The following ZNF440 variants were observed in gnomAD, a reference collection of about 807,000 sequenced individuals.
ZNF440 encodes the protein zinc finger protein 440.
In ZNF440, 47 loss-of-function variants were observed where a neutral mutation model predicts 49.7. The observed-to-expected ratio is 0.95, with a 90% CI of 0.75 to 1.21. The LOEUF is 1.21. Ranked by LOEUF, ZNF440 falls within the 50% of genes most tolerant of loss-of-function variation. The pLI is 0.00. For synonymous variants in ZNF440, 255 were observed against 237.7 expected (o/e 1.07, Z -0.67); for missense variants, 703 against 715.0 (o/e 0.98, Z 0.19).
rs2545809 is a variant in ZNF440, at chr19:11,834,074, T to A, written c.*1110T>A. The A allele has an allele frequency of 0.011, 3,120 of 283,858 alleles. 82 individuals are homozygous for A. Among genetic ancestry groups the A allele is most frequent in the East Asian group, 0.084 (1,216 of 14,498 alleles). 17.6% of individuals were successfully genotyped at this position (283,858 alleles called of 1,614,324 possible). A position where few individuals can be genotyped will look rare whatever the true frequency, so the allele number is the denominator to read the frequency against. On this transcript the variant is annotated 3_prime_UTR_variant, in exon 4 of 4. Coordinates refer to ENST00000304060, the MANE Select transcript of ZNF440 (RefSeq NM_152357.3). Reference sequence around the variant, plus strand: ...TGCCAGACATCTTTTTATTCGAAAATTTTACTTTTCATGCTTCTGTACTTA... The same window carrying A: ...TGCCAGACATCTTTTTATTCGAAAAATTTACTTTTCATGCTTCTGTACTTA...
chr19:11,830,401 C>A lies in ZNF440; in HGVS notation c.122C>A (p.Thr41Asn). ...EVMLETFRNLTSLGKRWKDQN... is the reference protein window; with the variant it reads ...EVMLETFRNLNSLGKRWKDQN... ...ATGCTGGAAACTTTCAGGAACCTGA[C>A]CTCTTTAGGTAAGGATGACAATATT... Residue 41 changes from threonine (T) to asparagine (N), a missense_variant, in exon 2 of 4, where the codon ACC (threonine) becomes AAC (asparagine). Thr to Asn is a moderately conservative substitution (Grantham distance 65). Coordinates refer to ENST00000304060, the MANE Select transcript of ZNF440 (RefSeq NM_152357.3). The A allele has an allele frequency of 6.2e-7, 1 of 1,614,104 alleles. No homozygotes were observed. Among genetic ancestry groups the A allele is most frequent in the Non-Finnish European group, 8.5e-7 (1 of 1,180,002 alleles).
chr19:11,822,655 C>T (rs1975813119), intron 1 of ZNF440, among the ~76,000 whole-genome samples: 1 of 152,084 alleles, frequency 6.6e-6, no homozygotes, highest in African/African-American at 2.4e-5. Context: ...CAAGATCAGC[C>T]TGACCAATAT....
In ZNF440 at chr19:11,832,326, CG is replaced by C; in HGVS notation, c.1151del (p.Arg384HisfsTer53). The C allele has an allele frequency of 6.2e-7, 1 of 1,614,056 alleles. No homozygotes were observed. The highest frequency in any genetic ancestry group is 1.3e-5 in the African/African-American group (1 of 74,976). On this transcript the variant is annotated frameshift_variant, in exon 4 of 4. Coordinates refer to ENST00000304060, the MANE Select transcript of ZNF440 (RefSeq NM_152357.3). LOFTEE classifies it high-confidence loss of function. ...AGCCTTCCCTCATTCCAGTTCCCTT[CG>C]ATATCATGAAAGGACTCACACTGGA... ...GKAFPHSSSL[R>X]YHERTHTGEK...
intron 1 of ZNF440, among the ~76,000 whole-genome samples, chr19:11,826,114 G>A (rs1386999680): frequency 6.6e-6 from 1 of 152,104 alleles, no homozygotes; most frequent in Non-Finnish European, 1.5e-5. Flanking sequence ...CGCGGCCAGG[G>A]CCACTCATTT....
chr19:11,814,425 C>T lies in ZNF440; in HGVS notation c.-23C>T. On this transcript the variant is annotated 5_prime_UTR_variant, in exon 1 of 4. Coordinates refer to ENST00000304060, the MANE Select transcript of ZNF440 (RefSeq NM_152357.3). Reference sequence around the variant, plus strand: ...GTCGCGGGAGCCACGCAGAGGACGCCGGAACACCCTGGAAGCCGAGAAATG... The same window carrying T: ...GTCGCGGGAGCCACGCAGAGGACGCTGGAACACCCTGGAAGCCGAGAAATG... 1 of 1,560,228 alleles carries T rather than the reference C, an allele frequency of 6.4e-7. No homozygotes were observed. The highest frequency in any genetic ancestry group is 8.7e-7 in the Non-Finnish European group (1 of 1,154,654).
chr19:11,819,374 T>G (rs1356596336), intron 1 of ZNF440, among the ~76,000 whole-genome samples: 1 of 150,072 alleles, frequency 6.7e-6, no homozygotes. Context: ...ATTAAATTTT[T>G]TAATTACTTG....
At position 11,832,522 on chromosome 19, in the gene ZNF440, T is replaced by A; in HGVS notation, c.1346T>A (p.Ile449Lys). The A allele has an allele frequency of 6.2e-7, 1 of 1,612,764 alleles. No homozygotes were observed. Among genetic ancestry groups the A allele is most frequent in the Non-Finnish European group, 8.5e-7 (1 of 1,179,774 alleles). ...LQSHERTQTH[I>K]RIHSGERRYK... ...AGTCATGAAAGGACACAAACACACA[T>A]AAGAATACACTCTGGAGAAAGACGT... Residue 449 changes from isoleucine to lysine, a missense_variant, in exon 4 of 4, where the codon ATA (isoleucine) becomes AAA (lysine). Ile to Lys is a moderately radical substitution (Grantham distance 102). Transcript: ENST00000304060.
At chr19:11,827,309 C>T (rs1349471669) in intron 1 of ZNF440, among the ~76,000 whole-genome samples, 2 of 151,884 alleles carry the variant, frequency 1.3e-5, no homozygotes, top group East Asian at 1.9e-4. Flanking sequence ...GTGATCCACC[C>T]GTCTCTGCCT....
intron 1 of ZNF440, chr19:11,817,394 G>C (rs1199896991): frequency 1.3e-5 from 2 of 152,232 alleles, no homozygotes; most frequent in African/African-American, 2.4e-5. Flanking sequence ...TCAGGAGTTT[G>C]AGACCAGCCT....
chr19:11,814,476 G>T, intron 1 of ZNF440, 26 bp downstream of exon 1: 1 of 1,515,140 alleles, frequency 6.6e-7, no homozygotes. Flanking sequence ...CTGGCGTCCG[G>T]GCGACTGGGA....
intron 1 of ZNF440, among the ~76,000 whole-genome samples, chr19:11,819,824 T>C (rs286253): frequency 0.39 from 59,366 of 152,112 alleles, 12,131 homozygotes; most frequent in African/African-American, 0.5. Context: ...AATTTTCAAG[T>C]GTTTTATTTA....
chr19:11,830,431 C>T (rs1262985964), intron 2 of ZNF440, 22 bp downstream of exon 2: 4 of 1,613,360 alleles, frequency 2.5e-6, no homozygotes, highest in African/African-American at 1.3e-5. Context: ...AATATTCCTT[C>T]CCTCAGTCCA....
chr19:11,824,567 A>G (rs1387658909), intron 1 of ZNF440, among the ~76,000 whole-genome samples: 1 of 152,132 alleles, frequency 6.6e-6, no homozygotes, highest in Non-Finnish European at 1.5e-5. Context: ...TATGAACCTT[A>G]TATGGAATGA....
At position 11,831,420 on chromosome 19, in the gene ZNF440, G is replaced by A. The variant is rs752206867; in HGVS notation, c.244G>A (p.Glu82Lys). Reference sequence around the variant, plus strand: ...AATTAAAGATGACAGTCATTGTGGAGAAACTTTTACCCCAGTTCCAGATGA... The same window carrying A: ...AATTAAAGATGACAGTCATTGTGGAAAAACTTTTACCCCAGTTCCAGATGA... Reference protein sequence around the residue: ...NEIKDDSHCGETFTPVPDDRL... With the variant: ...NEIKDDSHCGKTFTPVPDDRL... Residue 82 changes from glutamate to lysine, a missense_variant, in exon 4 of 4, where the codon GAA (glutamate) becomes AAA (lysine). By Grantham distance (56) the Glu-to-Lys change is moderately conservative (BLOSUM62 1). Coordinates refer to ENST00000304060, the MANE Select transcript of ZNF440 (RefSeq NM_152357.3). 2 of 1,612,518 alleles carry A rather than the reference G, an allele frequency of 1.2e-6. No homozygotes were observed. The highest frequency in any genetic ancestry group is 1.3e-5 in the African/African-American group (1 of 74,918).
chr19:11,834,139 T>A lies in ZNF440; in HGVS notation c.*1175T>A. The A allele has an allele frequency of 3.4e-6, 1 of 290,976 alleles. No homozygotes were observed. The highest frequency in any genetic ancestry group is 6.7e-6 in the Non-Finnish European group (1 of 149,930). The allele number at this position is 290,976 out of a possible 1,614,324, so 18.0% of individuals were successfully genotyped here. On this transcript the variant is annotated 3_prime_UTR_variant, in exon 4 of 4. Coordinates refer to ENST00000304060, the MANE Select transcript of ZNF440 (RefSeq NM_152357.3). ...CCTTAATTTTTCTTTCTTTTTTTTT[T>A]TCCCCCAGAAAGAATCTCACTCTGT...
At chr19:11,831,270 T>G (rs1308371656) in intron 3 of ZNF440, 98 bp from the exon 4 acceptor site, 2 of 1,455,296 alleles carry the variant, frequency 1.4e-6, no homozygotes, top group East Asian at 4.6e-5. Context: ...AGCCTACACT[T>G]TGATGGAGAG....
chr19:11,819,244 G>C (rs286252), intron 1 of ZNF440, among the ~76,000 whole-genome samples: 3,861 of 152,224 alleles, frequency 0.025, 101 homozygotes, highest in Middle Eastern at 0.068. Flanking sequence ...TTACAAAACA[G>C]TATAGGTAAG....
intron 1 of ZNF440, among the ~76,000 whole-genome samples, chr19:11,824,173 A>G (rs1412706848): frequency 7.0e-6 from 1 of 143,212 alleles, no homozygotes; most frequent in Admixed American, 7.1e-5. Context: ...ACAGAATGAT[A>G]CCCTGTTTCA....
chr19:11,816,500 A>C, intron 1 of ZNF440: 1 of 152,060 alleles, frequency 6.6e-6, no homozygotes, highest in Non-Finnish European at 1.5e-5. Flanking sequence ...GCTGCATGTA[A>C]ACTCCTAAAG....
Sources: allele counts gnomAD v4.1 joint callset (sites outside exome capture counted in the v4.1 genomes callset), GRCh38; gene constraint gnomAD v4.1.1; transcripts MANE v1.5; gene names NCBI Gene and HGNC (gene_info 2026-07-23, HGNC 2026-07-21).